The following PRDM6 variants were observed in gnomAD, a reference collection of about 807,000 sequenced individuals.
The protein encoded by PRDM6 is PR/SET domain 6, also known as putative histone-lysine N-methyltransferase PRDM6.
A neutral mutation model predicts 60.8 loss-of-function variants in PRDM6; 25 were observed. The observed-to-expected ratio is 0.41, with a 90% CI of 0.30 to 0.57. The LOEUF (loss-of-function observed/expected upper bound fraction) is 0.57, where lower values mean the gene tolerates loss of function less well. PRDM6 is among the 20% of genes least tolerant of loss of function. The probability of loss-of-function intolerance (pLI) is 0.27; values close to 1 mark genes in which losing one functional copy is unlikely to be tolerated. For missense variants in PRDM6, 839 were observed against 821.3 expected, an observed-to-expected ratio of 1.02 and a Z score of -0.26; for synonymous variants, 407 against 357.4, an observed-to-expected ratio of 1.14 and a Z score of -1.57.
At chr5:123,182,855 G>T (rs968071378) in intron 7 of PRDM6, among the ~76,000 whole-genome samples, 1 of 152,062 alleles carries the variant, frequency 6.6e-6, no homozygotes, top group East Asian at 1.9e-4. Flanking sequence ...ATATTCCCAG[G>T]GGAGAGCTGA....
In PRDM6 at chr5:123,180,190, T is replaced by C. The variant is rs1235627813; in HGVS notation, c.1540T>C (p.Ser514Pro). The C allele has an allele frequency of 3.9e-6, 6 of 1,551,958 alleles. No homozygotes were observed. The highest frequency in any genetic ancestry group is 5.2e-6 in the Non-Finnish European group (6 of 1,147,014). The change falls in exon 7 of 8, where the codon TCA becomes CCA. Residue 514 changes from serine to proline, a missense_variant. Coordinates refer to ENST00000407847, the MANE Select transcript of PRDM6 (RefSeq NM_001136239.4). ...CTGCTCCCAGTCCTTTTCCCAGCCT[T>C]CAGAACTGAGGAACCACGTGGTCAC... ...GHCSQSFSQP[S>P]ELRNHVVTHS...
intron 3 of PRDM6, among the ~76,000 whole-genome samples, chr5:123,107,095 A>G (rs1253608720): frequency 6.6e-6 from 1 of 152,186 alleles, no homozygotes; most frequent in Non-Finnish European, 1.5e-5. Flanking sequence ...GATTGTTTTA[A>G]AGGTTACATC....
At chr5:123,110,080 C>T (rs921361037) in intron 3 of PRDM6, among the ~76,000 whole-genome samples, 1 of 152,134 alleles carries the variant, frequency 6.6e-6, no homozygotes, top group African/African-American at 2.4e-5. Flanking sequence ...ACAGACATAA[C>T]AGTATATCAT....
intron 3 of PRDM6, among the ~76,000 whole-genome samples, chr5:123,121,814 C>G (rs925111108): frequency 6.7e-6 from 1 of 150,058 alleles, no homozygotes; most frequent in Non-Finnish European, 1.5e-5. Context: ...TCTCTTGCAT[C>G]TCTTTTAATA....
At position 123,126,502 on chromosome 5, in the gene PRDM6, C is replaced by T. The variant is rs528087420; in HGVS notation, c.900+26541C>T. On this transcript the variant is annotated intron_variant, in intron 3 of 7. Coordinates refer to ENST00000407847, the MANE Select transcript of PRDM6 (RefSeq NM_001136239.4). ...ATTTGGGATGAGTCTTTTCTCTGGG[C>T]TCAGCTAATTAGTTATGGAATTGGC... Among the ~76,000 whole-genome samples the T allele has an allele frequency of 3.3e-5, 5 of 152,074 alleles. No homozygotes were observed. The South Asian group carries it at 8.3e-4, about 25-fold the overall frequency.
intron 3 of PRDM6, among the ~76,000 whole-genome samples, chr5:123,111,068 ATATT>A (rs1415017336): frequency 6.6e-6 from 1 of 152,088 alleles, no homozygotes; most frequent in Non-Finnish European, 1.5e-5. Context: ...ATAATAATAT[ATATT>A]ATGTGTAGGG....
rs1189222115 is a variant in PRDM6 at position 123,090,658 on chromosome 5, G to T, written c.592+52G>T. 4 of 1,121,718 alleles carry T rather than the reference G, an allele frequency of 3.6e-6. No individual in the cohort carries two copies. The African/African-American group carries it at 5.2e-5, about 15-fold the overall frequency. 69.5% of individuals were successfully genotyped at this position (1,121,718 alleles called of 1,614,324 possible). ...CTCCCGGGGCGCCGGCGCCGGCGCC[G>T]GCGGGCGCGGGTGCCTGTCAGGGAG... On this transcript the variant is annotated intron_variant, in intron 2 of 7. Coordinates refer to ENST00000407847, the MANE Select transcript of PRDM6 (RefSeq NM_001136239.4).
intron 7 of PRDM6, 98 bp downstream of exon 7, chr5:123,180,421 A>G: frequency 7.9e-7 from 1 of 1,268,974 alleles, no homozygotes; most frequent in Non-Finnish European, 1.1e-6. Flanking sequence ...GCCAGCTGGC[A>G]CAGGCTACTT....
chr5:123,145,468 G>A (rs939079231), intron 3 of PRDM6, among the ~76,000 whole-genome samples: 3 of 152,180 alleles, frequency 2.0e-5, no homozygotes, highest in Admixed American at 1.3e-4. Flanking sequence ...AAGACTCATC[G>A]TTACTGTCAT....
rs573408697 is a variant in PRDM6, at chr5:123,190,599, C to T, written c.*3398C>T. The T allele has an allele frequency of 6.6e-6, 1 of 152,214 alleles. No individual in the cohort carries two copies. The highest frequency in any genetic ancestry group is 2.4e-5 in the African/African-American group (1 of 41,540). 9.4% of individuals were successfully genotyped at this position (152,214 alleles called of 1,614,324 possible). A position where few individuals can be genotyped will look rare whatever the true frequency, so the allele number is the denominator to read the frequency against. On this transcript the variant is annotated 3_prime_UTR_variant, in exon 8 of 8. Coordinates refer to ENST00000407847, the MANE Select transcript of PRDM6 (RefSeq NM_001136239.4). ...GAAACTATGTATAACAGGAAAAGAT[C>T]ATGACATCATTGTGTCCTCATAGGG...
intron 6 of PRDM6, among the ~76,000 whole-genome samples, chr5:123,178,152 C>T (rs1162819660): frequency 1.3e-5 from 2 of 151,938 alleles, no homozygotes; most frequent in Admixed American, 1.3e-4. Flanking sequence ...GATGGATTGA[C>T]TTCTGACTGT....
chr5:123,097,039 A>C (rs1763974898), intron 2 of PRDM6, among the ~76,000 whole-genome samples: 1 of 152,202 alleles, frequency 6.6e-6, no homozygotes, highest in African/African-American at 2.4e-5. Context: ...AGCAGAAAAA[A>C]AAATCAGTTA....
At chr5:123,160,923 G>T (rs1012271730) in intron 5 of PRDM6, among the ~76,000 whole-genome samples, 2 of 152,130 alleles carry the variant, frequency 1.3e-5, no homozygotes, top group African/African-American at 4.8e-5. Flanking sequence ...GGCAAATGTA[G>T]ACATAGAAGC....
At chr5:123,118,151 C>T (rs1211819435) in intron 3 of PRDM6, among the ~76,000 whole-genome samples, 3 of 152,174 alleles carry the variant, frequency 2.0e-5, no homozygotes, top group African/African-American at 4.8e-5. Context: ...ACTCAAGCCT[C>T]CTCTGGATGT....
chr5:123,120,745 T>A (rs114107331), intron 3 of PRDM6, among the ~76,000 whole-genome samples: 2,862 of 152,352 alleles, frequency 0.019, 39 homozygotes, highest in East Asian at 0.061. Context: ...TTTAAAATAT[T>A]GTCCGTTAAA....
intron 3 of PRDM6, among the ~76,000 whole-genome samples, chr5:123,134,347 G>A (rs1415971813): frequency 6.6e-6 from 1 of 152,052 alleles, no homozygotes; most frequent in Admixed American, 6.6e-5. Flanking sequence ...AAGTTTTTCA[G>A]TATAGATCTT....
intron 2 of PRDM6, among the ~76,000 whole-genome samples, chr5:123,093,133 T>C (rs1457682589): frequency 6.6e-6 from 1 of 152,188 alleles, no homozygotes; most frequent in Admixed American, 6.5e-5. Flanking sequence ...TTCTTTTAGT[T>C]TTTTTACCAT....
At chr5:123,127,568 A>G (rs1319962453) in intron 3 of PRDM6, among the ~76,000 whole-genome samples, 1 of 152,206 alleles carries the variant, frequency 6.6e-6, no homozygotes, top group Non-Finnish European at 1.5e-5. Context: ...ATCCCATTCA[A>G]GTTTTATTAA....
chr5:123,094,833 C>G (rs1423640151), intron 2 of PRDM6, among the ~76,000 whole-genome samples: 1 of 152,204 alleles, frequency 6.6e-6, no homozygotes, highest in African/African-American at 2.4e-5. Flanking sequence ...CTCTCACCCT[C>G]ACAAACTGGC....
Sources: allele counts gnomAD v4.1 joint callset (sites outside exome capture counted in the v4.1 genomes callset), GRCh38; gene constraint gnomAD v4.1.1; transcripts MANE v1.5; gene names NCBI Gene and HGNC (gene_info 2026-07-23, HGNC 2026-07-21).